Variants in HPCAL1 observed in about 807,000 individuals in gnomAD.
The protein encoded by HPCAL1 is hippocalcin-like protein 1.
In HPCAL1, 8 loss-of-function variants were observed where a neutral mutation model predicts 17.1. The observed-to-expected ratio is 0.47, with a 90% CI of 0.27 to 0.84. The LOEUF (loss-of-function observed/expected upper bound fraction) is 0.84, where lower values mean the gene tolerates loss of function less well. Ranked by LOEUF, HPCAL1 falls within the 40% of genes least tolerant of loss-of-function variation. The pLI, the probability that HPCAL1 is intolerant of heterozygous loss-of-function variation, is 0.13. For synonymous variants in HPCAL1, 112 were observed against 111.4 expected, an observed-to-expected ratio of 1.01 and a Z score of -0.03; for missense variants, 165 against 271.1, an observed-to-expected ratio of 0.61 and a Z score of 2.75.
intron 1 of HPCAL1, among the ~76,000 whole-genome samples, chr2:10,309,106 C>A (rs796497672): frequency 1.1e-4 from 16 of 152,132 alleles, no homozygotes; most frequent in African/African-American, 3.9e-4. Context: ...GTGATCCCAG[C>A]TCACTGCAGC....
chr2:10,365,965 TC>T lies in HPCAL1; in HGVS notation c.-110-30865del, dbSNP rs1019557217. Among the ~76,000 whole-genome samples, 1 of 152,120 alleles carries T rather than the reference TC, an allele frequency of 6.6e-6. No homozygotes were observed. The highest frequency in any genetic ancestry group is 1.5e-5 in the Non-Finnish European group (1 of 68,010). ...GCACGCCTCATGAGGAGACGCTCAC[TC>T]CCCCAGACACACTGAGTACTCTTTC... is the stretch of plus-strand genomic sequence containing the variant. On this transcript the variant is annotated intron_variant, in intron 1 of 4. Transcript: ENST00000307845. The surrounding 1 kb of genome is among the most constrained non-coding windows in gnomAD (Gnocchi z 4.8).
intron 1 of HPCAL1, among the ~76,000 whole-genome samples, chr2:10,387,927 C>A (rs1206025191): frequency 6.6e-6 from 1 of 152,152 alleles, no homozygotes; most frequent in Non-Finnish European, 1.5e-5. Flanking sequence ...ATTTTTCTTG[C>A]CACTGAAATC....
At chr2:10,371,304 G>A (rs1020738625) in intron 1 of HPCAL1, among the ~76,000 whole-genome samples, 1 of 152,024 alleles carries the variant, frequency 6.6e-6, no homozygotes, top group African/African-American at 2.4e-5. Flanking sequence ...GACAAGCCAG[G>A]CTTGTGTCCA....
At chr2:10,355,430 G>A (rs1024282413) in intron 1 of HPCAL1, among the ~76,000 whole-genome samples, 2 of 112,774 alleles carry the variant, frequency 1.8e-5, no homozygotes, top group African/African-American at 7.1e-5. Flanking sequence ...CAGCCTGGGC[G>A]ACAGAGCGAG....
At chr2:10,393,800 T>C (rs1222971061) in intron 1 of HPCAL1, among the ~76,000 whole-genome samples, 3 of 152,080 alleles carry the variant, frequency 2.0e-5, no homozygotes, top group Non-Finnish European at 2.9e-5. Flanking sequence ...GCTTATTCAC[T>C]GCATTCCATG....
At chr2:10,420,210 T>G in intron 3 of HPCAL1, 75 bp downstream of exon 3, 15 of 270,210 alleles carry the variant, frequency 5.6e-5, no homozygotes, top group Non-Finnish European at 7.2e-5. Context: ...AGCCCAGGGC[T>G]TTTTTTTTTT....
At position 10,362,902 on chromosome 2, in the gene HPCAL1, C is replaced by T. The variant is rs981802578; in HGVS notation, c.-110-33933C>T. Among the ~76,000 whole-genome samples, 6 of 152,162 alleles carry T rather than the reference C, an allele frequency of 3.9e-5. No individual in the cohort carries two copies. The highest frequency in any genetic ancestry group is 1.9e-4 in the East Asian group (1 of 5,178). ...GCAGAGGGGGACCTCAGAGGACAGT[C>T]GGACTGGGGAATCCCTGGCCCAGAG... is the stretch of plus-strand genomic sequence containing the variant. On this transcript the variant is annotated intron_variant, in intron 1 of 4. Coordinates refer to ENST00000307845, the MANE Select transcript of HPCAL1 (RefSeq NM_002149.4). This position sits in a 1 kb window ranked among gnomAD's most constrained non-coding sequence, Gnocchi z 5.0.
At chr2:10,305,281 C>T (rs1028042301) in intron 1 of HPCAL1, among the ~76,000 whole-genome samples, 1 of 152,072 alleles carries the variant, frequency 6.6e-6, no homozygotes, top group African/African-American at 2.4e-5. Context: ...GACCCAAACC[C>T]AGGTTTGTGT....
chr2:10,403,279 T>C (rs545838452), intron 2 of HPCAL1, among the ~76,000 whole-genome samples: 1 of 152,304 alleles, frequency 6.6e-6, no homozygotes, highest in South Asian at 2.1e-4. Flanking sequence ...TAAATGTTTT[T>C]CTCAAGGATG....
At chr2:10,371,093 G>A (rs1667175568) in intron 1 of HPCAL1, among the ~76,000 whole-genome samples, 1 of 152,174 alleles carries the variant, frequency 6.6e-6, no homozygotes, top group Admixed American at 6.5e-5. Flanking sequence ...CAGTGGGCAG[G>A]TGGGTGTTAC....
At chr2:10,404,418 G>T (rs1405148258) in intron 2 of HPCAL1, among the ~76,000 whole-genome samples, 1 of 152,216 alleles carries the variant, frequency 6.6e-6, no homozygotes, top group Non-Finnish European at 1.5e-5. Flanking sequence ...AGCGCTCTGG[G>T]TAAGTCTGGG....
chr2:10,369,683 G>T (rs556491328), intron 1 of HPCAL1, among the ~76,000 whole-genome samples: 29 of 152,326 alleles, frequency 1.9e-4, no homozygotes, highest in African/African-American at 6.7e-4. Context: ...GATCCCTGAG[G>T]CCTTCTTGGA....
rs554415415 is a variant in HPCAL1 at position 10,359,790 on chromosome 2, G to C, written c.-110-37045G>C. Among the ~76,000 whole-genome samples the C allele has an allele frequency of 1.5e-4, 23 of 152,272 alleles. No individual in the cohort carries two copies. Among genetic ancestry groups the C allele is most frequent in the Admixed American group, 9.8e-4 (15 of 15,304 alleles). ...TCCCCGTGTCCCCCACAGCGGTGGC[G>C]GTTTTATTGATGTATTGTGAAGGCA... On this transcript the variant is annotated intron_variant, in intron 1 of 4. Coordinates refer to ENST00000307845, the MANE Select transcript of HPCAL1 (RefSeq NM_002149.4). This position sits in a 1 kb window ranked among gnomAD's most constrained non-coding sequence, Gnocchi z 4.1.
At chr2:10,324,819 T>G (rs1308213308) in intron 1 of HPCAL1, among the ~76,000 whole-genome samples, 11 of 20,702 alleles carry the variant, frequency 5.3e-4, no homozygotes, top group Admixed American at 1.2e-3. Context: ...TTTTTGTGTT[T>G]TTTTTTTTTT....
intron 2 of HPCAL1, among the ~76,000 whole-genome samples, chr2:10,404,029 T>G (rs957549061): frequency 6.6e-5 from 10 of 152,172 alleles, no homozygotes; most frequent in Non-Finnish European, 1.5e-4. Flanking sequence ...TGTTTGTTCT[T>G]TATTGCTCTA....
At chr2:10,306,410 C>T (rs1662622953) in intron 1 of HPCAL1, among the ~76,000 whole-genome samples, 1 of 152,086 alleles carries the variant, frequency 6.6e-6, no homozygotes, top group South Asian at 2.1e-4. Flanking sequence ...CTTTGGGGCT[C>T]CCTGCTCTCC....
At chr2:10,305,606 TA>T (rs1662570944) in intron 1 of HPCAL1, among the ~76,000 whole-genome samples, 1 of 152,216 alleles carries the variant, frequency 6.6e-6, no homozygotes, top group Non-Finnish European at 1.5e-5. Flanking sequence ...TGGAATCCAA[TA>T]AATGGAAGGT....
chr2:10,426,592 C>A, intron 4 of HPCAL1, 132 bp from the exon 5 acceptor site: 1 of 738,296 alleles, frequency 1.4e-6, no homozygotes, highest in Admixed American at 2.1e-5. Flanking sequence ...AGACTAGACA[C>A]CGTCCAGCTT....
chr2:10,380,472 G>A (rs1667868494), intron 1 of HPCAL1, among the ~76,000 whole-genome samples: 1 of 152,172 alleles, frequency 6.6e-6, no homozygotes, highest in South Asian at 2.1e-4. Flanking sequence ...TGGGCCAAAG[G>A]CCTCCCCAGC....
Sources: gnomAD v4.1 joint callset for allele counts (sites outside exome capture counted in the v4.1 genomes callset) on GRCh38, gnomAD v4.1.1 for gene constraint, Gnocchi (gnomAD v3.1) non-coding constraint, MANE v1.5 for transcripts, NCBI Gene and HGNC (gene_info 2026-07-23, HGNC 2026-07-21) for gene names.